Variants in RTN3 observed in about 807,000 individuals in gnomAD.
The protein encoded by RTN3 is reticulon-3.
A neutral mutation model predicts 77.8 loss-of-function variants in RTN3; 49 were observed. The ratio of observed to expected loss-of-function variants is 0.63; its 90% CI spans 0.50 to 0.80. RTN3 has a LOEUF of 0.80. Among genes scored for constraint, RTN3 ranks in the 30% least tolerant of loss-of-function variants. The pLI, the probability that RTN3 is intolerant of heterozygous loss-of-function variation, is 0.00. For missense variants in RTN3, 1,236 were observed against 1,211.9 expected, an observed-to-expected ratio of 1.02 and a Z score of -0.29; for synonymous variants, 464 against 446.9, an observed-to-expected ratio of 1.04 and a Z score of -0.48.
intron 3 of RTN3, among the ~76,000 whole-genome samples, chr11:63,733,361 C>T (rs987861290): frequency 3.9e-5 from 6 of 151,902 alleles, no homozygotes; most frequent in Non-Finnish European, 7.4e-5. Context: ...TGGTGGCACG[C>T]GCCTGTAGTC....
chr11:63,704,273 T>G (rs777016303), intron 1 of RTN3, among the ~76,000 whole-genome samples: 1 of 152,090 alleles, frequency 6.6e-6, no homozygotes, highest in African/African-American at 2.4e-5. Flanking sequence ...AAAGTGCTGG[T>G]ATTACAGATG....
At position 63,750,049 on chromosome 11, in the gene RTN3, G is replaced by A. The variant is rs199892486; in HGVS notation, c.2589G>A (p.Thr863=). 121 of 1,613,864 alleles carry A rather than the reference G, an allele frequency of 7.5e-5. No homozygotes were observed. The highest frequency in any genetic ancestry group is 3.5e-4 in the Admixed American group (21 of 59,994). Residue 863 remains threonine (T), a synonymous_variant, in exon 4 of 9, where the codon ACG becomes ACA. Coordinates refer to ENST00000377819, the MANE Select transcript of RTN3 (RefSeq NM_001265589.2). ...VKKTGFVFGT[T]LIMLLSLAAF... is the part of the protein sequence containing the mutation. Reference sequence around the variant, plus strand: ...AGACTGGGTTTGTCTTTGGCACCACGCTGATCATGCTGCTTTCCCTGGCAG... The same window carrying A: ...AGACTGGGTTTGTCTTTGGCACCACACTGATCATGCTGCTTTCCCTGGCAG...
Position 63,742,559 on chromosome 11 carries a change from T to A in RTN3, c.2531-7432T>A, listed in dbSNP as rs1284770653. ...ACTTTGGGAGGCTCAGGCAGGAGAG[T>A]CGCTTGAACCTGGATGCGGAGGTTG... On this transcript the variant is annotated intron_variant, in intron 3 of 8. Coordinates refer to ENST00000377819, the MANE Select transcript of RTN3 (RefSeq NM_001265589.2). Among the ~76,000 whole-genome samples the A allele has an allele frequency of 5.3e-5, 8 of 151,196 alleles. No homozygotes were observed. The East Asian group carries it at 1.2e-3, about 23-fold the overall frequency.
chr11:63,746,986 C>A (rs1367385249), intron 3 of RTN3: 1 of 456,052 alleles, frequency 2.2e-6, no homozygotes, highest in Non-Finnish European at 4.4e-6. Flanking sequence ...CATCCTGTCT[C>A]CTTACTCTCC....
chr11:63,690,913 A>G (rs1043722174), intron 1 of RTN3, among the ~76,000 whole-genome samples: 1 of 152,156 alleles, frequency 6.6e-6, no homozygotes, highest in Non-Finnish European at 1.5e-5. Flanking sequence ...TCACCATTTT[A>G]AGGTGGGTTT....
At chr11:63,709,801 GA>G (rs1806146884) in intron 2 of RTN3, among the ~76,000 whole-genome samples, 1 of 152,140 alleles carries the variant, frequency 6.6e-6, no homozygotes, top group South Asian at 2.1e-4. Context: ...TCCCTCAAAT[GA>G]ATATGCATAG....
intron 3 of RTN3, among the ~76,000 whole-genome samples, chr11:63,735,605 T>TCTCTCTCTCTCTCTCTATC: frequency 6.7e-6 from 1 of 149,350 alleles, no homozygotes; most frequent in East Asian, 2.0e-4. Context: ...TCTCTCTTTC[T>TCTCTCTCTCTCTCTCTATC]TTCAACCCCT....
At chr11:63,703,785 G>A (rs533264406) in intron 1 of RTN3, among the ~76,000 whole-genome samples, 68 of 150,888 alleles carry the variant, frequency 4.5e-4, no homozygotes, top group Admixed American at 2.9e-3. Context: ...CTCGTGATCC[G>A]CCTGCCTCAG....
At position 63,719,259 on chromosome 11, in the gene RTN3, G is replaced by A. The variant is rs767569642; in HGVS notation, c.757G>A (p.Asp253Asn). 1.2e-6 allele frequency: 2 copies of A among 1,614,104 alleles called. No individual in the cohort carries two copies. The highest frequency in any genetic ancestry group is 1.7e-6 in the Non-Finnish European group (2 of 1,180,010). ...TGAATCACCATTTGAAGTAATTATT[G>A]ACAAAGCAGCATTTGACAAAGAATT... ...SPESPFEVII[D>N]KAAFDKEFKD... is the part of the protein sequence containing the mutation. The change falls in exon 3 of 9, where the codon GAC becomes AAC. Residue 253 changes from aspartate (D) to asparagine (N), a missense_variant. Asp to Asn is a conservative substitution (Grantham distance 23). Coordinates refer to ENST00000377819, the MANE Select transcript of RTN3 (RefSeq NM_001265589.2).
At chr11:63,687,208 T>G (rs567666458) in intron 1 of RTN3, among the ~76,000 whole-genome samples, 1 of 152,324 alleles carries the variant, frequency 6.6e-6, no homozygotes, top group African/African-American at 2.4e-5. Flanking sequence ...ATGCCTAGAT[T>G]TCAATCCTGG....
intron 4 of RTN3, among the ~76,000 whole-genome samples, chr11:63,751,811 G>A (rs566085244): frequency 5.9e-5 from 9 of 152,216 alleles, no homozygotes; most frequent in African/African-American, 1.2e-4. Flanking sequence ...GGCCAACATG[G>A]TGAAACCTCG....
Position 63,753,148 on chromosome 11 carries a change from C to G in RTN3, c.2947+10C>G. ...ACCCTTCTAATTCTTGGTAAGGTGG[C>G]AAGGAGAATGTGCCCATGCTCTTTG... is the stretch of plus-strand genomic sequence containing the variant. On this transcript the variant is annotated intron_variant, in intron 6 of 8. Coordinates refer to ENST00000377819, the MANE Select transcript of RTN3 (RefSeq NM_001265589.2). 6.2e-7 allele frequency: 1 copy of G among 1,611,990 alleles called. No homozygotes were observed. The highest frequency in any genetic ancestry group is 8.5e-7 in the Non-Finnish European group (1 of 1,178,192).
intron 2 of RTN3, among the ~76,000 whole-genome samples, chr11:63,709,752 T>C (rs976034628): frequency 1.3e-5 from 2 of 152,120 alleles, no homozygotes; most frequent in Non-Finnish European, 2.9e-5. Context: ...CATGAGAAAA[T>C]TCAAGTGTAG....
chr11:63,685,938 C>A (rs1046925048), intron 1 of RTN3, among the ~76,000 whole-genome samples: 1 of 152,162 alleles, frequency 6.6e-6, no homozygotes, highest in Middle Eastern at 3.2e-3. Context: ...CTAATGCAGC[C>A]AGCAATGTAG....
chr11:63,753,766 T>TC (rs1215644468), intron 7 of RTN3, 58 bp downstream of exon 7: 18 of 1,446,374 alleles, frequency 1.2e-5, no homozygotes, highest in Middle Eastern at 3.5e-4. Flanking sequence ...TAGTTGTAGT[T>TC]CATTTCTGAG....
At chr11:63,706,282 T>G (rs1336009254) in intron 2 of RTN3, among the ~76,000 whole-genome samples, 1 of 152,164 alleles carries the variant, frequency 6.6e-6, no homozygotes, top group Non-Finnish European at 1.5e-5. Context: ...CTCAATCTCC[T>G]GGGTTCAAGC....
chr11:63,720,845 TCCAGAATCTTGGC>T lies in RTN3; in HGVS notation c.2345_2357del (p.Pro782HisfsTer8), dbSNP rs766010051. ...TACTGAAGCAAACTTTCACATTTGC[TCCAGAATCTTGGC>T]CACAGAGATCATATGACATCCTAGA... On this transcript the variant is annotated frameshift_variant, in exon 3 of 9. Transcript: ENST00000377819. LOFTEE classifies it high-confidence loss of function. 5 of 1,613,852 alleles carry T rather than the reference TCCAGAATCTTGGC, an allele frequency of 3.1e-6. No individual in the cohort carries two copies. The highest frequency in any genetic ancestry group is 1.3e-5 in the African/African-American group (1 of 74,906).
intron 2 of RTN3, among the ~76,000 whole-genome samples, chr11:63,706,499 G>C (rs752424162): frequency 6.6e-6 from 1 of 152,036 alleles, no homozygotes; most frequent in Non-Finnish European, 1.5e-5. Context: ...CACCACACCT[G>C]GCCAACAATT....
Position 63,691,874 on chromosome 11 carries a change from A to G in RTN3, c.142+10096A>G, listed in dbSNP as rs186693012. Among the ~76,000 whole-genome samples, 3 of 152,280 alleles carry G rather than the reference A, an allele frequency of 2.0e-5. No individual in the cohort carries two copies. The East Asian group carries it at 5.8e-4, about 29-fold the overall frequency. On this transcript the variant is annotated intron_variant, in intron 1 of 8. Coordinates refer to ENST00000377819, the MANE Select transcript of RTN3 (RefSeq NM_001265589.2). ...GTCCATTTTCCACACAGCAGCTGGT[A>G]TAAGCCTGTGAAAATGCAAGTTGGA...
Sources: gnomAD v4.1 joint callset for allele counts (sites outside exome capture counted in the v4.1 genomes callset) on GRCh38, gnomAD v4.1.1 for gene constraint, MANE v1.5 for transcripts, NCBI Gene and HGNC (gene_info 2026-07-23, HGNC 2026-07-21) for gene names.